Variants in LOXHD1 observed in about 807,000 individuals in gnomAD.
The protein encoded by LOXHD1 is lipoxygenase homology domain-containing protein 1.
In LOXHD1, 205 loss-of-function variants were observed where a neutral mutation model predicts 248.2. The ratio of observed to expected loss-of-function variants is 0.83; its 90% CI spans 0.74 to 0.93. The LOEUF (loss-of-function observed/expected upper bound fraction) is 0.93, where lower values mean the gene tolerates loss of function less well. Among genes scored for constraint, LOXHD1 ranks in the 40% least tolerant of loss-of-function variants. LOXHD1 has a pLI of 0.00. For missense variants in LOXHD1, 2,930 were observed against 2,971.6 expected, an observed-to-expected ratio of 0.99 and a Z score of 0.33; for synonymous variants, 1,113 against 1,162.8, an observed-to-expected ratio of 0.96 and a Z score of 0.87.
intron 38 of LOXHD1, among the ~76,000 whole-genome samples, chr18:46,486,356 G>A (rs1033267118): frequency 6.6e-6 from 1 of 152,114 alleles, no homozygotes; most frequent in African/African-American, 2.4e-5. Flanking sequence ...GCTCAATGTA[G>A]CACCACTCCC....
intron 37 of LOXHD1, among the ~76,000 whole-genome samples, chr18:46,498,494 G>T (rs2143777650): frequency 6.6e-6 from 1 of 152,298 alleles, no homozygotes; most frequent in Non-Finnish European, 1.5e-5. Context: ...CCAGAAGTCT[G>T]CAGTCAAGGT....
intron 31 of LOXHD1, among the ~76,000 whole-genome samples, chr18:46,523,394 A>T (rs1477689899): frequency 6.6e-6 from 1 of 152,142 alleles, no homozygotes; most frequent in Non-Finnish European, 1.5e-5. Flanking sequence ...GGTCATTTAT[A>T]AGGTTGCCAG....
rs947039386 is a variant in LOXHD1 at position 46,594,232 on chromosome 18, G to A, written c.1270+99C>T. ...TTTCTGGAGGAGACTTGAGAAGCAGGAGTGGACTGCCCTCATAGCTTTTGC... is the reference window on the plus strand; with the variant it reads ...TTTCTGGAGGAGACTTGAGAAGCAGAAGTGGACTGCCCTCATAGCTTTTGC... On this transcript the variant is annotated intron_variant, in intron 9 of 40. Transcript: ENST00000642948. 2.3e-5 allele frequency: 33 copies of A among 1,438,910 alleles called. No homozygotes were observed. The Admixed American group carries it at 2.7e-4, about 12-fold the overall frequency. The allele number at this position is 1,438,910 out of a possible 1,614,324, so 89.1% of individuals were successfully genotyped here. A position where few individuals can be genotyped will look rare whatever the true frequency, so the allele number is the denominator to read the frequency against.
chr18:46,584,368 C>T (rs1353361012), intron 12 of LOXHD1, among the ~76,000 whole-genome samples: 2 of 151,896 alleles, frequency 1.3e-5, no homozygotes, highest in Non-Finnish European at 2.9e-5. Flanking sequence ...CACAAAATAG[C>T]TAGAAGAAAT....
chr18:46,644,898 TCCAC>T (rs1351980327), intron 2 of LOXHD1, among the ~76,000 whole-genome samples: 11 of 152,220 alleles, frequency 7.2e-5, no homozygotes, highest in Admixed American at 4.6e-4. Context: ...AGGGAGAAGA[TCCAC>T]CAGGATGGAC....
intron 6 of LOXHD1, among the ~76,000 whole-genome samples, chr18:46,605,666 T>C (rs949553830): frequency 1.3e-5 from 2 of 152,080 alleles, no homozygotes; most frequent in African/African-American, 4.8e-5. Context: ...GACAGTACCA[T>C]CCAGGATCTG....
chr18:46,485,197 C>T (rs761482340), intron 38 of LOXHD1, 46 bp from the exon 39 acceptor site: 2 of 1,527,168 alleles, frequency 1.3e-6, no homozygotes, highest in Non-Finnish European at 1.8e-6. Flanking sequence ...GGAAGCAGTG[C>T]CCGTCTTCAG....
At chr18:46,566,589 T>G in intron 16 of LOXHD1, 140 bp from the exon 17 acceptor site, 1 of 762,048 alleles carries the variant, frequency 1.3e-6, no homozygotes, top group Non-Finnish European at 2.1e-6. Context: ...ATGGGAAAGC[T>G]GGAATCCCAT....
At position 46,519,156 on chromosome 18, in the gene LOXHD1, T is replaced by A. The variant is rs2035434077; in HGVS notation, c.5272-900A>T. On this transcript the variant is annotated intron_variant, in intron 33 of 40. Transcript: ENST00000642948. ...CTTTGGTCCCAGATTCTTACTCCCT[T>A]CCTTCTCACCAAGTGCCCCTGGACT... The A allele has an allele frequency of 5.3e-6, 5 of 938,112 alleles. No homozygotes were observed. The Admixed American group carries it at 3.1e-4, about 58-fold the overall frequency. The allele number at this position is 938,112 out of a possible 1,614,324, so 58.1% of individuals were successfully genotyped here.
chr18:46,527,836 G>A (rs930798557), intron 29 of LOXHD1, among the ~76,000 whole-genome samples: 3 of 152,180 alleles, frequency 2.0e-5, no homozygotes, highest in Admixed American at 6.5e-5. Flanking sequence ...CAGCCCAGAG[G>A]TCTAATTAGC....
chr18:46,592,146 C>T, intron 11 of LOXHD1, 78 bp from the exon 12 acceptor site: 1 of 1,496,242 alleles, frequency 6.7e-7, no homozygotes, highest in South Asian at 1.2e-5. Context: ...ATTCTGCTAT[C>T]TCATTGCAGA....
At chr18:46,642,162 G>T in intron 2 of LOXHD1, 126 bp from the exon 3 acceptor site, 1 of 842,278 alleles carries the variant, frequency 1.2e-6, no homozygotes, top group Non-Finnish European at 1.9e-6. Flanking sequence ...TGAGCAACAA[G>T]ATCCCATTCC....
intron 29 of LOXHD1, among the ~76,000 whole-genome samples, chr18:46,527,189 A>T (rs542981175): frequency 1.7e-4 from 26 of 151,992 alleles, no homozygotes; most frequent in African/African-American, 6.0e-4. Context: ...CATCACCTTC[A>T]TTTATGCTTC....
chr18:46,601,303 C>CTGTG lies in LOXHD1; in HGVS notation c.1047_1048insCACA (p.Glu350HisfsTer8), dbSNP rs2038333711. On this transcript the variant is annotated frameshift_variant, in exon 8 of 41. Coordinates refer to ENST00000642948, the MANE Select transcript of LOXHD1 (RefSeq NM_001384474.1). LOFTEE classifies it high-confidence loss of function. The stretch of plus-strand genomic sequence containing the variant: ...AGGGGGCTAAGGAGGACAGCCAGCT[C>CTGTG]GATGTGGAAGATGTCCGTGCGGCCT... The CTGTG allele has an allele frequency of 1.3e-6, 2 of 1,551,588 alleles. No homozygotes were observed. The highest frequency in any genetic ancestry group is 2.7e-5 in the African/African-American group (2 of 73,030).
intron 4 of LOXHD1, 101 bp from the exon 5 acceptor site, chr18:46,618,391 A>G: frequency 1.3e-6 from 1 of 758,550 alleles, no homozygotes; most frequent in Non-Finnish European, 2.2e-6. Flanking sequence ...ACCCCCAGCA[A>G]TGCATAAATT....
intron 27 of LOXHD1, chr18:46,533,798 C>T (rs567576117): frequency 3.2e-5 from 8 of 246,804 alleles, no homozygotes; most frequent in Non-Finnish European, 5.7e-5. Context: ...TGGTGGCGTG[C>T]GCCTGTAGTC....
rs1011445494 is a variant in LOXHD1, at chr18:46,657,117, G to T, written c.-84C>A. The T allele has an allele frequency of 2.6e-6, 4 of 1,546,382 alleles. No homozygotes were observed. The African/African-American group carries it at 5.5e-5, about 21-fold the overall frequency. ...CGGGAACCTGAGACCTCCTCCCTGAGCTCTGGCGCCCACGGCCCTCCTATA... is the reference window on the plus strand; with the variant it reads ...CGGGAACCTGAGACCTCCTCCCTGATCTCTGGCGCCCACGGCCCTCCTATA... On this transcript the variant is annotated 5_prime_UTR_variant, in exon 1 of 41. Coordinates refer to ENST00000642948, the MANE Select transcript of LOXHD1 (RefSeq NM_001384474.1).
chr18:46,555,353 C>T, intron 21 of LOXHD1: 1 of 358,628 alleles, frequency 2.8e-6, no homozygotes, highest in Admixed American at 3.6e-5. Context: ...GGTCAGACTC[C>T]AGGTCAGGAC....
In LOXHD1 at chr18:46,485,153, TG is replaced by T; in HGVS notation, c.6050-3del. 1 of 1,548,408 alleles carries T rather than the reference TG, an allele frequency of 6.5e-7. No individual in the cohort carries two copies. On this transcript the variant is annotated splice_region_variant and splice_polypyrimidine_tract_variant and intron_variant, in intron 38 of 40. Coordinates refer to ENST00000642948, the MANE Select transcript of LOXHD1 (RefSeq NM_001384474.1). Reference sequence around the variant, plus strand: ...CCGTTTCTATGACGATCTCGTAGGCTGTAATGGAGGAGGTGGGGGAGGGTCA... The same window carrying T: ...CCGTTTCTATGACGATCTCGTAGGCTTAATGGAGGAGGTGGGGGAGGGTCA...
Sources: allele counts gnomAD v4.1 joint callset (sites outside exome capture counted in the v4.1 genomes callset), GRCh38; gene constraint gnomAD v4.1.1; transcripts MANE v1.5; gene names NCBI Gene and HGNC (gene_info 2026-07-23, HGNC 2026-07-21).